ACCSL: variants seen among roughly 807,000 people sequenced by gnomAD.
ACCSL encodes the protein probable inactive 1-aminocyclopropane-1-carboxylate synthase-like protein 2.
A neutral mutation model predicts 61.7 loss-of-function variants in ACCSL; 55 were observed. That is an observed-to-expected ratio of 0.89 (90% CI 0.72 to 1.12). ACCSL has a LOEUF of 1.12. Among genes scored for constraint, ACCSL ranks in the 50% most tolerant of loss-of-function variants. The pLI is 0.00. For synonymous variants in ACCSL, 258 were observed against 264.3 expected (o/e 0.98, Z 0.23); for missense variants, 632 against 698.0 (o/e 0.91, Z 1.07).
the ACCSL span, among the ~76,000 whole-genome samples, chr11:43,954,556 G>A: frequency 6.6e-6 from 1 of 151,822 alleles, no homozygotes; most frequent in Middle Eastern, 3.4e-3. Flanking sequence ...CTACCTGGCT[G>A]GTGCCATGTT....
chr11:44,028,859 A>C, the ACCSL span, among the ~76,000 whole-genome samples: 1 of 152,244 alleles, frequency 6.6e-6, no homozygotes, highest in Non-Finnish European at 1.5e-5. Context: ...TGTAAGCCAC[A>C]AAGTAGTAGA....
upstream of ACCSL, among the ~76,000 whole-genome samples, chr11:44,043,318 C>T (rs1273307123): frequency 6.6e-6 from 1 of 152,148 alleles, no homozygotes; most frequent in Non-Finnish European, 1.5e-5. Flanking sequence ...AACCACTAGT[C>T]TGAGGAATTG....
At chr11:43,992,938 C>G in the ACCSL span, among the ~76,000 whole-genome samples, 4 of 152,190 alleles carry the variant, frequency 2.6e-5, no homozygotes, top group African/African-American at 9.7e-5. Context: ...TGGCTGCACC[C>G]TTATTCAGGT....
intron 11 of ACCSL, among the ~76,000 whole-genome samples, chr11:44,057,866 A>G (rs1446961330): frequency 2.0e-5 from 3 of 152,216 alleles, no homozygotes; most frequent in Non-Finnish European, 4.4e-5. Context: ...GCTCAAACAT[A>G]CTAGAGTTAG....
chr11:43,921,186 T>G, the ACCSL span: 1 of 152,258 alleles, frequency 6.6e-6, no homozygotes, highest in Non-Finnish European at 1.5e-5. Context: ...AGTGCCTTCT[T>G]GCTTTTTATC....
chr11:43,942,753 G>A, the ACCSL span: 2 of 105,352 alleles, frequency 1.9e-5, no homozygotes, highest in East Asian at 3.4e-4. Context: ...GCGCCGGCCC[G>A]GGCCCGCGAG....
the ACCSL span, among the ~76,000 whole-genome samples, chr11:44,022,423 G>T: frequency 4.1e-4 from 63 of 152,058 alleles, no homozygotes; most frequent in African/African-American, 1.5e-3. Context: ...CTTGATTGCT[G>T]TTGGTATATA....
chr11:44,006,647 A>G, the ACCSL span, among the ~76,000 whole-genome samples: 1 of 151,684 alleles, frequency 6.6e-6, no homozygotes, highest in Admixed American at 6.6e-5. Context: ...CTGGGATTAG[A>G]GACACGCACC....
At chr11:43,976,407 C>T in the ACCSL span, among the ~76,000 whole-genome samples, 11 of 152,158 alleles carry the variant, frequency 7.2e-5, no homozygotes, top group African/African-American at 2.4e-4. Context: ...ACTTATATAT[C>T]CCTTATTTTT....
the ACCSL span, among the ~76,000 whole-genome samples, chr11:44,003,642 C>CAAA: frequency 4.8e-4 from 68 of 141,348 alleles, no homozygotes; most frequent in Admixed American, 2.0e-3. Flanking sequence ...GACTTTGTCT[C>CAAA]AAAAAAAAAA....
chr11:44,056,456 G>C lies in ACCSL; in HGVS notation c.1327+130G>C. On this transcript the variant is annotated intron_variant, in intron 11 of 13. Transcript: ENST00000378832. ...TATTTCCTGTCTCAGATTTAACTGT[G>C]GTAAGATGTGAGGTTTGAAGGAGGG... is the stretch of plus-strand genomic sequence containing the variant. The C allele has an allele frequency of 3.1e-6, 4 of 1,271,832 alleles. No individual in the cohort carries two copies. In the South Asian group the frequency reaches 4.5e-5, roughly 14 times the overall value. 78.8% of individuals were successfully genotyped at this position (1,271,832 alleles called of 1,614,324 possible).
the ACCSL span, among the ~76,000 whole-genome samples, chr11:44,020,122 T>C: frequency 1.3e-5 from 2 of 152,252 alleles, no homozygotes; most frequent in African/African-American, 4.8e-5. Context: ...TTTCTACCCT[T>C]ATTCTAGTAC....
At position 44,055,212 on chromosome 11, in the gene ACCSL, C is replaced by T; in HGVS notation, c.1060C>T (p.His354Tyr). ...TCATCTAATCTACAGGTATAACCTA[C>T]ATGTGATCATAGATGAGATTTACAT... is the stretch of plus-strand genomic sequence containing the variant. Reference protein sequence around the residue: ...YLEFAKRYNLHVIIDEIYMLS... With the variant: ...YLEFAKRYNLYVIIDEIYMLS... Residue 354 changes from histidine (H) to tyrosine (Y), a missense_variant, in exon 9 of 14, where the codon CAT (histidine) becomes TAT (tyrosine). His to Tyr is a moderately conservative substitution (Grantham distance 83). Transcript: ENST00000378832. The T allele has an allele frequency of 1.2e-6, 2 of 1,609,106 alleles. No homozygotes were observed. Among genetic ancestry groups the T allele is most frequent in the African/African-American group, 1.3e-5 (1 of 74,980 alleles).
chr11:44,018,746 T>C, the ACCSL span, among the ~76,000 whole-genome samples: 26 of 152,322 alleles, frequency 1.7e-4, no homozygotes, highest in Non-Finnish European at 3.2e-4. Context: ...GGTAGGAGAA[T>C]CACTTGAGGC....
chr11:43,962,508 A>G, the ACCSL span, among the ~76,000 whole-genome samples: 2 of 152,240 alleles, frequency 1.3e-5, no homozygotes, highest in East Asian at 3.8e-4. Flanking sequence ...TAACCCAAAC[A>G]GCAGAACAGA....
At chr11:44,013,123 A>G in the ACCSL span, among the ~76,000 whole-genome samples, 1 of 152,212 alleles carries the variant, frequency 6.6e-6, no homozygotes, top group African/African-American at 2.4e-5. Flanking sequence ...GTAGGTCTAT[A>G]TATGCATATA....
At chr11:44,003,886 G>C in the ACCSL span, among the ~76,000 whole-genome samples, 1 of 152,248 alleles carries the variant, frequency 6.6e-6, no homozygotes, top group East Asian at 1.9e-4. Context: ...AGGGATAGGG[G>C]GTACCTCACT....
chr11:43,976,210 T>C, the ACCSL span, among the ~76,000 whole-genome samples: 4 of 152,154 alleles, frequency 2.6e-5, no homozygotes, highest in African/African-American at 7.2e-5. Flanking sequence ...GATGAGACTT[T>C]GGGAACCTTG....
chr11:43,942,887 G>A, the ACCSL span: 8 of 1,321,722 alleles, frequency 6.1e-6, no homozygotes, highest in South Asian at 4.0e-5. Context: ...GCCCGGCCCC[G>A]CAGACGCCGG....
Sources: allele counts gnomAD v4.1 joint callset (sites outside exome capture counted in the v4.1 genomes callset), GRCh38; gene constraint gnomAD v4.1.1; transcripts MANE v1.5; gene names NCBI Gene and HGNC (gene_info 2026-07-23, HGNC 2026-07-21).